Variants in OXCT1 observed in about 807,000 individuals in gnomAD.
OXCT1 encodes the protein 3-oxoacid CoA-transferase 1, also known as succinyl-CoA:3-ketoacid coenzyme A transferase 1, mitochondrial.
A neutral mutation model predicts 69.6 loss-of-function variants in OXCT1; 27 were observed. That is an observed-to-expected ratio of 0.39 (90% CI 0.29 to 0.54). OXCT1 has a LOEUF of 0.54. Among genes scored for constraint, OXCT1 ranks in the 20% least tolerant of loss-of-function variants. OXCT1 has a pLI of 0.72. For synonymous variants in OXCT1, 202 were observed against 217.8 expected (o/e 0.93, Z 0.64); for missense variants, 437 against 650.2 (o/e 0.67, Z 3.57).
At chr5:41,826,319 T>A (rs1187258057) in intron 7 of OXCT1, among the ~76,000 whole-genome samples, 1 of 152,192 alleles carries the variant, frequency 6.6e-6, no homozygotes, top group Non-Finnish European at 1.5e-5. Flanking sequence ...ATAAAGAACT[T>A]TGGAAGACAG....
chr5:41,773,496 C>G (rs1744976960), intron 13 of OXCT1, among the ~76,000 whole-genome samples: 1 of 151,876 alleles, frequency 6.6e-6, no homozygotes, highest in Admixed American at 6.6e-5. Flanking sequence ...ACTTGGGAGG[C>G]TGAAGTGGGA....
chr5:41,856,657 CT>C (rs944705390), intron 3 of OXCT1, among the ~76,000 whole-genome samples: 17 of 152,154 alleles, frequency 1.1e-4, no homozygotes, highest in Admixed American at 2.0e-4. Context: ...TTTTGCACCC[CT>C]AGCCTTCAAA....
At chr5:41,804,671 AC>A (rs1331558538) in intron 9 of OXCT1, among the ~76,000 whole-genome samples, 1 of 152,092 alleles carries the variant, frequency 6.6e-6, no homozygotes, top group African/African-American at 2.4e-5. Context: ...TTGCACCATA[AC>A]ACAAGGTATA....
intron 10 of OXCT1, 66 bp downstream of exon 10, chr5:41,803,003 T>A: frequency 1.7e-6 from 2 of 1,170,174 alleles, no homozygotes; most frequent in Non-Finnish European, 2.5e-6. Context: ...TAATAAAAAA[T>A]TTCACAACAT....
At chr5:41,827,892 C>T (rs998321041) in intron 7 of OXCT1, among the ~76,000 whole-genome samples, 1 of 152,176 alleles carries the variant, frequency 6.6e-6, no homozygotes, top group Non-Finnish European at 1.5e-5. Flanking sequence ...CTTCCGCCTC[C>T]TAAGGTGCTG....
chr5:41,739,281 G>C (rs942761605), intron 16 of OXCT1, 109 bp downstream of exon 16: 1 of 790,868 alleles, frequency 1.3e-6, no homozygotes, highest in African/African-American at 1.7e-5. Context: ...TCACTGTAAA[G>C]GTCAACTCCA....
rs373376464 is a variant in OXCT1 at position 41,858,803 on chromosome 5, A to T, written c.278+2511T>A. 2.8e-4 allele frequency among the ~76,000 whole-genome samples: 43 copies of T among 152,332 alleles called. No individual in the cohort carries two copies. The East Asian group carries it at 6.9e-3, about 25-fold the overall frequency. On this transcript the variant is annotated intron_variant, in intron 3 of 16. Transcript: ENST00000196371. ...CTTTTGTTTACTTTTCATTTTAGAC[A>T]TACTTAAATCTGGATTAGATAATTA...
At chr5:41,842,534 C>G in intron 6 of OXCT1, 141 bp downstream of exon 6, 1 of 723,160 alleles carries the variant, frequency 1.4e-6, no homozygotes. Flanking sequence ...CAGCCCTGCA[C>G]ACACCTATAT....
chr5:41,742,991 C>T (rs1389692370), intron 15 of OXCT1, among the ~76,000 whole-genome samples: 1 of 152,140 alleles, frequency 6.6e-6, no homozygotes, highest in African/African-American at 2.4e-5. Flanking sequence ...TGGGTATATA[C>T]ACAGTAATGG....
chr5:41,802,426 T>C (rs1746464898), intron 10 of OXCT1, among the ~76,000 whole-genome samples: 1 of 152,106 alleles, frequency 6.6e-6, no homozygotes, highest in Non-Finnish European at 1.5e-5. Context: ...TGAAAAAATA[T>C]GGCCTAACTA....
chr5:41,846,499 T>C (rs1202903785), intron 5 of OXCT1, among the ~76,000 whole-genome samples: 2 of 149,652 alleles, frequency 1.3e-5, no homozygotes, highest in Non-Finnish European at 3.0e-5. Context: ...CCATGGTGTA[T>C]ATGTGCCACA....
intron 7 of OXCT1, among the ~76,000 whole-genome samples, chr5:41,833,465 G>C (rs923055460): frequency 6.6e-6 from 1 of 151,448 alleles, no homozygotes; most frequent in Non-Finnish European, 1.5e-5. Flanking sequence ...CAAAATCAGA[G>C]GGATTTCATC....
At chr5:41,819,567 G>T (rs1034350887) in intron 7 of OXCT1, among the ~76,000 whole-genome samples, 1 of 151,916 alleles carries the variant, frequency 6.6e-6, no homozygotes, top group African/African-American at 2.4e-5. Flanking sequence ...ACAGGGTTTC[G>T]CCACATTTGC....
intron 7 of OXCT1, among the ~76,000 whole-genome samples, chr5:41,838,216 C>T (rs1748462803): frequency 2.0e-5 from 3 of 152,108 alleles, no homozygotes; most frequent in Admixed American, 2.0e-4. Flanking sequence ...GCTGGAGGTC[C>T]AGGGTACTCA....
At chr5:41,817,874 G>A (rs1337650636) in intron 7 of OXCT1, among the ~76,000 whole-genome samples, 1 of 152,222 alleles carries the variant, frequency 6.6e-6, no homozygotes, top group Non-Finnish European at 1.5e-5. Flanking sequence ...GGCAGTTACA[G>A]AACAGCTGGT....
In OXCT1 at chr5:41,762,311, T is replaced by C. The variant is rs961783516; in HGVS notation, c.1249-111A>G. On this transcript the variant is annotated intron_variant, in intron 13 of 16. Coordinates refer to ENST00000196371, the MANE Select transcript of OXCT1 (RefSeq NM_000436.4). The surrounding 1 kb of genome is among the most constrained non-coding windows in gnomAD (Gnocchi z 4.0). ...AGAATCATTAAAAACTCATTGTCCTTCATTGCTTAGTGCTTGAAGTTCTAT... is the reference window on the plus strand; with the variant it reads ...AGAATCATTAAAAACTCATTGTCCTCCATTGCTTAGTGCTTGAAGTTCTAT... 2 of 859,126 alleles carry C rather than the reference T, an allele frequency of 2.3e-6. No individual in the cohort carries two copies. The highest frequency in any genetic ancestry group is 3.3e-5 in the African/African-American group (2 of 60,518). 53.2% of individuals were successfully genotyped at this position (859,126 alleles called of 1,614,324 possible). A position where few individuals can be genotyped will look rare whatever the true frequency, so the allele number is the denominator to read the frequency against.
intron 7 of OXCT1, among the ~76,000 whole-genome samples, chr5:41,815,577 T>C (rs1747197434): frequency 6.6e-6 from 1 of 152,194 alleles, no homozygotes; most frequent in Admixed American, 6.5e-5. Flanking sequence ...TCATTTGTCA[T>C]ATCTCTTTTA....
chr5:41,790,195 T>C (rs1745848256), intron 13 of OXCT1, among the ~76,000 whole-genome samples: 1 of 152,202 alleles, frequency 6.6e-6, no homozygotes, highest in African/African-American at 2.4e-5. Flanking sequence ...TGCTATTTTG[T>C]GCTTTCAATA....
chr5:41,798,975 T>C (rs576448228), intron 11 of OXCT1, among the ~76,000 whole-genome samples: 1 of 152,310 alleles, frequency 6.6e-6, no homozygotes, highest in South Asian at 2.1e-4. Flanking sequence ...AGTTTCCCAA[T>C]TTGTATAACA....
Sources: gnomAD v4.1 joint callset for allele counts (sites outside exome capture counted in the v4.1 genomes callset) on GRCh38, gnomAD v4.1.1 for gene constraint, Gnocchi (gnomAD v3.1) non-coding constraint, MANE v1.5 for transcripts, NCBI Gene and HGNC (gene_info 2026-07-23, HGNC 2026-07-21) for gene names.